Variants in ARHGEF28 observed in about 807,000 individuals in gnomAD.
ARHGEF28 encodes the protein 190 kDa guanine nucleotide exchange factor.
A neutral mutation model predicts 206.6 loss-of-function variants in ARHGEF28; 152 were observed. The ratio of observed to expected loss-of-function variants is 0.74; its 90% CI spans 0.64 to 0.84. The LOEUF (loss-of-function observed/expected upper bound fraction) is 0.84. ARHGEF28 is among the 40% of genes least tolerant of loss of function. The probability of loss-of-function intolerance (pLI) is 0.00; values close to 1 mark genes in which losing one functional copy is unlikely to be tolerated. For synonymous variants in ARHGEF28, 763 were observed against 776.4 expected, an observed-to-expected ratio of 0.98 and a Z score of 0.29; for missense variants, 2,028 against 2,073.2, an observed-to-expected ratio of 0.98 and a Z score of 0.42.
rs114435431 is a variant in ARHGEF28 at position 73,782,101 on chromosome 5, A to G, written c.910+1356A>G. ...GGATTCTAGGTATTTGTCAGATACT[A>G]TGATCTTAAACTCTTTACCTGCATG... On this transcript the variant is annotated intron_variant, in intron 7 of 35. Coordinates refer to ENST00000513042, the MANE Select transcript of ARHGEF28 (RefSeq NM_001177693.2). Among the ~76,000 whole-genome samples, 280 of 150,698 alleles carry G rather than the reference A, an allele frequency of 1.9e-3. 1 individual carries two copies. Among genetic ancestry groups the G allele is most frequent in the African/African-American group, 6.6e-3 (268 of 40,806 alleles).
At chr5:73,880,556 A>G (rs947439924) in intron 22 of ARHGEF28, among the ~76,000 whole-genome samples, 36 of 152,190 alleles carry the variant, frequency 2.4e-4, no homozygotes, top group Admixed American at 5.2e-4. Flanking sequence ...AGCTGTTCCT[A>G]TTCGGCCATC....
At chr5:73,697,078 A>G (rs560420675) in intron 2 of ARHGEF28, among the ~76,000 whole-genome samples, 7 of 152,378 alleles carry the variant, frequency 4.6e-5, no homozygotes, top group Admixed American at 6.5e-5. Context: ...TATATGGAAT[A>G]TGTAAACATT....
In ARHGEF28 at chr5:73,892,110, A is replaced by G; in HGVS notation, c.3446A>G (p.Glu1149Gly). The G allele has an allele frequency of 9.4e-6, 15 of 1,596,832 alleles. 1 individual carries two copies. The highest frequency in any genetic ancestry group is 1.3e-5 in the Non-Finnish European group (15 of 1,170,720). ...CTTATTGCTAGAGAAGTTGCTAATG[A>G]GGAGAGAGGAATGTTTCTGATCAGT... The part of the protein sequence containing the change: ...QKLIAREVAN[E>G]ERGMFLISAS... The change falls in exon 27 of 36, where the codon GAG (glutamate) becomes GGG (glycine). Residue 1149 changes from glutamate to glycine, a missense_variant. By Grantham distance (98) the Glu-to-Gly change is moderately conservative. Around this residue, in one of 3 missense-constraint regions of ARHGEF28, gnomAD observed 803 missense variants for 768.0 expected, o/e 1.05. Coordinates refer to ENST00000513042, the MANE Select transcript of ARHGEF28 (RefSeq NM_001177693.2).
At chr5:73,823,882 T>G (rs868247735) in intron 9 of ARHGEF28, among the ~76,000 whole-genome samples, 2 of 152,224 alleles carry the variant, frequency 1.3e-5, no homozygotes, top group African/African-American at 4.8e-5. Context: ...CACTGCAGTT[T>G]CCTCATCTGT....
chr5:73,693,319 G>C (rs1005083285), intron 2 of ARHGEF28, among the ~76,000 whole-genome samples: 2 of 151,956 alleles, frequency 1.3e-5, no homozygotes, highest in Non-Finnish European at 2.9e-5. Context: ...GACATGAATG[G>C]GGCTCCTTCA....
At chr5:73,675,946 G>A (rs184248378) in intron 1 of ARHGEF28, among the ~76,000 whole-genome samples, 9 of 151,902 alleles carry the variant, frequency 5.9e-5, no homozygotes, top group Admixed American at 2.0e-4. Flanking sequence ...TGGATAGAAC[G>A]TGAACCGTGT....
chr5:73,909,325 T>G, intron 33 of ARHGEF28, 87 bp from the exon 34 acceptor site: 1 of 1,498,278 alleles, frequency 6.7e-7, no homozygotes, highest in Non-Finnish European at 8.9e-7. Flanking sequence ...GCCTGCGTTT[T>G]GTGTTTCGAG....
rs1759815031 is a variant in ARHGEF28 at position 73,867,952 on chromosome 5, T to G, written c.2229T>G (p.Thr743=). The change falls in exon 19 of 36, where the codon ACT becomes ACG. Residue 743 remains threonine (T), a synonymous_variant. Transcript: ENST00000513042. ...CCTCCGTGCCTGTTGGATTGCCGAC[T>G]GGAAGGAGGGAGACTGTGGGACAGG... ...PSSSVPVGLP[T]GRRETVGQVH... is the part of the protein sequence containing the mutation. 6.2e-7 allele frequency: 1 copy of G among 1,613,906 alleles called. No homozygotes were observed. Among genetic ancestry groups the G allele is most frequent in the African/African-American group, 1.3e-5 (1 of 74,934 alleles).
intron 35 of ARHGEF28, chr5:73,922,938 C>T: frequency 1.5e-6 from 1 of 679,208 alleles, no homozygotes; most frequent in Non-Finnish European, 2.5e-6. Context: ...TTCTGTTCAG[C>T]ATAAGCCCTG....
At chr5:73,916,551 G>A (rs1452868731) in intron 35 of ARHGEF28, among the ~76,000 whole-genome samples, 1 of 152,132 alleles carries the variant, frequency 6.6e-6, no homozygotes, top group Non-Finnish European at 1.5e-5. Flanking sequence ...GTCTTCACCT[G>A]GTCTTCCCCC....
chr5:73,819,358 T>C (rs1216637886), intron 9 of ARHGEF28, among the ~76,000 whole-genome samples: 2 of 152,218 alleles, frequency 1.3e-5, no homozygotes, highest in Non-Finnish European at 2.9e-5. Flanking sequence ...AACTTTGCCT[T>C]GCTGAGTGCA....
chr5:73,901,083 C>T (rs1762240613), intron 30 of ARHGEF28, 101 bp from the exon 31 acceptor site: 2 of 867,972 alleles, frequency 2.3e-6, no homozygotes, highest in Non-Finnish European at 3.7e-6. Flanking sequence ...TGTGGTGTTT[C>T]CTATTTTGAA....
chr5:73,899,963 T>TG (rs1176946235), intron 30 of ARHGEF28: 2 of 152,246 alleles, frequency 1.3e-5, no homozygotes, highest in Non-Finnish European at 2.9e-5. Context: ...AATTCTTTAG[T>TG]GATGCCTTTG....
intron 35 of ARHGEF28, among the ~76,000 whole-genome samples, chr5:73,932,310 C>G (rs1764173490): frequency 6.6e-6 from 1 of 152,180 alleles, no homozygotes; most frequent in Non-Finnish European, 1.5e-5. Context: ...CCGCGTTAGC[C>G]TAGGAATTGC....
chr5:73,894,977 C>T (rs72772589), intron 29 of ARHGEF28, among the ~76,000 whole-genome samples: 5,928 of 151,294 alleles, frequency 0.039, 181 homozygotes, highest in East Asian at 0.064. Context: ...GTGCCAGGCT[C>T]GCCTGAGGAG....
Position 73,749,969 on chromosome 5 carries a change from C to T in ARHGEF28, c.166C>T (p.Gln56Ter), listed in dbSNP as rs1302217268. The T allele has an allele frequency of 2.5e-6, 4 of 1,613,830 alleles. No individual in the cohort carries two copies. Among genetic ancestry groups the T allele is most frequent in the Middle Eastern group, 1.6e-4 (1 of 6,084 alleles). The change falls in exon 3 of 36, where the codon CAG (glutamine) becomes TAG (stop). Residue 56 changes from glutamine to a stop codon, truncating the protein, a stop_gained. Transcript: ENST00000513042. LOFTEE classifies it high-confidence loss of function. ...AGAGCGCATCGAGGATAACGTTCTC[C>T]AGTCCAGCGTCCCAGGTGAGGTGTC... ...IAERIEDNVLQSSVPGHGLQE... is the reference protein window; with the variant it reads ...IAERIEDNVL
intron 35 of ARHGEF28, among the ~76,000 whole-genome samples, chr5:73,912,366 A>G (rs1294341607): frequency 6.6e-6 from 1 of 152,242 alleles, no homozygotes; most frequent in Non-Finnish European, 1.5e-5. Context: ...TTTCAGAAAC[A>G]TAAAACAAGC....
intron 1 of ARHGEF28, among the ~76,000 whole-genome samples, chr5:73,664,270 C>G (rs1019940538): frequency 2.6e-5 from 4 of 152,224 alleles, no homozygotes; most frequent in Non-Finnish European, 5.9e-5. Flanking sequence ...TTCATTTACC[C>G]TAAGACATTT....
In ARHGEF28 at chr5:73,749,936, A is replaced by G. The variant is rs200289106; in HGVS notation, c.133A>G (p.Met45Val). ...TGACGGATCTCATCAGCGACATGTC[A>G]TGATTGCAGAGCGCATCGAGGATAA... ...TYDGSHQRHV[M>V]IAERIEDNVL... Residue 45 changes from methionine (M) to valine (V), a missense_variant, in exon 3 of 36, where the codon ATG becomes GTG. Physicochemically the swap from Met to Val is conservative, Grantham distance 21. Around this residue, in one of 3 missense-constraint regions of ARHGEF28, gnomAD observed 1,002 missense variants for 1,015.3 expected, o/e 0.99. Transcript: ENST00000513042. 1.8e-4 allele frequency: 298 copies of G among 1,613,924 alleles called. No homozygotes were observed. Among genetic ancestry groups the G allele is most frequent in the Non-Finnish European group, 2.4e-4 (279 of 1,179,912 alleles).
Sources: allele counts gnomAD v4.1 joint callset (sites outside exome capture counted in the v4.1 genomes callset), GRCh38; gene constraint gnomAD v4.1.1; regional missense constraint gnomAD v4.1.1; transcripts MANE v1.5; gene names NCBI Gene and HGNC (gene_info 2026-07-23, HGNC 2026-07-21).